The following EZR variants were observed in gnomAD, a reference collection of about 807,000 sequenced individuals.
EZR encodes cytovillin 2.
Under a neutral mutation model 74.8 loss-of-function variants are expected in EZR, and 40 were observed. That is an observed-to-expected ratio of 0.53 (90% CI 0.42 to 0.70). The LOEUF (loss-of-function observed/expected upper bound fraction) is 0.70, where lower values mean the gene tolerates loss of function less well. EZR is among the 30% of genes least tolerant of loss of function. EZR has a pLI of 0.00. For missense variants in EZR, 678 were observed against 755.8 expected, an observed-to-expected ratio of 0.90 and a Z score of 1.21; for synonymous variants, 341 against 283.3, an observed-to-expected ratio of 1.20 and a Z score of -2.05.
chr6:158,770,042 C>A (rs1457381108), intron 10 of EZR, 98 bp from the exon 11 acceptor site: 1 of 1,507,658 alleles, frequency 6.6e-7, no homozygotes, highest in African/African-American at 1.4e-5. Flanking sequence ...GAGCCCTAGA[C>A]CAAGTCACAG....
intron 2 of EZR, among the ~76,000 whole-genome samples, chr6:158,816,246 G>C (rs930793214): frequency 1.3e-5 from 2 of 152,180 alleles, no homozygotes; most frequent in African/African-American, 4.8e-5. Context: ...GATGGACCTT[G>C]GTGATGGCTA....
chr6:158,773,141 T>A (rs1250974979), intron 8 of EZR, among the ~76,000 whole-genome samples: 1 of 152,224 alleles, frequency 6.6e-6, no homozygotes, highest in Non-Finnish European at 1.5e-5. Flanking sequence ...AAATAGGCCC[T>A]GACTCAGAAA....
chr6:158,808,078 T>TA (rs1777380909), intron 2 of EZR, among the ~76,000 whole-genome samples: 1 of 152,218 alleles, frequency 6.6e-6, no homozygotes, highest in African/African-American at 2.4e-5. Flanking sequence ...GTTGAATGAA[T>TA]GAACTTTATG....
chr6:158,789,369 G>C lies in EZR; in HGVS notation c.15C>G (p.Ile5Met). The C allele has an allele frequency of 6.2e-7, 1 of 1,613,704 alleles. No individual in the cohort carries two copies. Among genetic ancestry groups the C allele is most frequent in the Non-Finnish European group, 8.5e-7 (1 of 1,179,616 alleles). ...CATCCATGGTGGTAACTCGGACATT[G>C]ATCTGAAAAACAGAATGAAACAAAT... MPKP[I>M]NVRVTTMDAE... The change falls in exon 3 of 14, where the codon ATC becomes ATG. Residue 5 changes from isoleucine to methionine, a missense_variant and splice_region_variant. By Grantham distance (10) the Ile-to-Met change is conservative. Coordinates refer to ENST00000367075, the MANE Select transcript of EZR (RefSeq NM_001111077.2).
chr6:158,768,750 C>T (rs563617688), intron 12 of EZR, among the ~76,000 whole-genome samples: 6 of 152,282 alleles, frequency 3.9e-5, no homozygotes, highest in South Asian at 2.1e-4. Flanking sequence ...CTCGCATCTG[C>T]AGAGCAACCT....
At chr6:158,802,228 A>G (rs1255569567) in intron 2 of EZR, among the ~76,000 whole-genome samples, 1 of 152,196 alleles carries the variant, frequency 6.6e-6, no homozygotes, top group Non-Finnish European at 1.5e-5. Flanking sequence ...TAAGGAGCCA[A>G]CTTAACTCTA....
chr6:158,797,222 T>A (rs1479945118), intron 2 of EZR, among the ~76,000 whole-genome samples: 1 of 152,104 alleles, frequency 6.6e-6, no homozygotes, highest in Non-Finnish European at 1.5e-5. Flanking sequence ...TCCACAAACA[T>A]TACAGGAGAG....
At chr6:158,789,436 A>G (rs375325025) in intron 2 of EZR, 65 bp from the exon 3 acceptor site, 1 of 1,406,140 alleles carries the variant, frequency 7.1e-7, no homozygotes, top group Non-Finnish European at 1.0e-6. Context: ...AACCTCCTGC[A>G]CCTTCTACAT....
chr6:158,793,170 T>G (rs1791787864), intron 2 of EZR, among the ~76,000 whole-genome samples: 1 of 119,734 alleles, frequency 8.4e-6, no homozygotes, highest in African/African-American at 3.3e-5. Flanking sequence ...AAAAAATCAT[T>G]CAGGCTGGAG....
intron 2 of EZR, among the ~76,000 whole-genome samples, chr6:158,814,033 T>C (rs1175210696): frequency 6.6e-6 from 1 of 152,152 alleles, no homozygotes; most frequent in Non-Finnish European, 1.5e-5. Flanking sequence ...GAGAGGATGC[T>C]TCCGGGACCA....
chr6:158,782,722 G>A (rs1165025984), intron 7 of EZR, among the ~76,000 whole-genome samples: 1 of 152,240 alleles, frequency 6.6e-6, no homozygotes, highest in Non-Finnish European at 1.5e-5. Context: ...ACGGTAGTCA[G>A]GAGGCAGTCA....
At chr6:158,805,234 G>C (rs1777308662) in intron 2 of EZR, among the ~76,000 whole-genome samples, 1 of 151,542 alleles carries the variant, frequency 6.6e-6, no homozygotes, top group Non-Finnish European at 1.5e-5. Context: ...AGCTACTCGT[G>C]GGGCTGAGGC....
At position 158,801,690 on chromosome 6, in the gene EZR, A is replaced by G. The variant is rs143262286; in HGVS notation, c.13-12319T>C. ...ATAAAATCATCCAGTGTTGGAACTC[A>G]CAAGAGTCCACTTGTCACAACCCTG... On this transcript the variant is annotated intron_variant, in intron 2 of 13. Coordinates refer to ENST00000367075, the MANE Select transcript of EZR (RefSeq NM_001111077.2). Among the ~76,000 whole-genome samples, 136 of 152,330 alleles carry G rather than the reference A, an allele frequency of 8.9e-4. 2 individuals are homozygous for G. The highest frequency in any genetic ancestry group is 1.7e-3 in the Non-Finnish European group (115 of 68,038).
intron 2 of EZR, among the ~76,000 whole-genome samples, chr6:158,805,764 A>G (rs1299116247): frequency 6.6e-6 from 1 of 152,244 alleles, no homozygotes; most frequent in Non-Finnish European, 1.5e-5. Flanking sequence ...AAATGGCATT[A>G]TAATTTGTAC....
chr6:158,801,462 G>C (rs937980285), intron 2 of EZR, among the ~76,000 whole-genome samples: 2 of 152,154 alleles, frequency 1.3e-5, no homozygotes, highest in African/African-American at 4.8e-5. Flanking sequence ...ATCTATCTAA[G>C]CTCCACAAAT....
chr6:158,818,607 C>G (rs554335827), intron 1 of EZR, among the ~76,000 whole-genome samples: 77 of 88,024 alleles, frequency 8.7e-4, no homozygotes, highest in Middle Eastern at 0.014. Flanking sequence ...GAGAGAGCGC[C>G]GGCCGGGCGG....
At position 158,789,346 on chromosome 6, in the gene EZR, T is replaced by C. The variant is rs1224891583; in HGVS notation, c.38A>G (p.Asp13Gly). ...KPINVRVTTM[D>G]AELEFAIQPN... is the part of the protein sequence containing the mutation. ...CTGGATTGCAAACTCCAGCTCTGCA[T>C]CCATGGTGGTAACTCGGACATTGAT... The change falls in exon 3 of 14, where the codon GAT becomes GGT. Residue 13 changes from aspartate to glycine, a missense_variant. Around this residue, in one of 3 missense-constraint regions of EZR, gnomAD observed 217 missense variants for 232.2 expected, o/e 0.93. Coordinates refer to ENST00000367075, the MANE Select transcript of EZR (RefSeq NM_001111077.2). 1.2e-6 allele frequency: 2 copies of C among 1,614,194 alleles called. No individual in the cohort carries two copies. The highest frequency in any genetic ancestry group is 4.5e-5 in the East Asian group (2 of 44,880).
rs896574263 is a variant in EZR, at chr6:158,766,269, T to C, written c.*645A>G. The C allele has an allele frequency of 2.8e-5, 4 of 144,278 alleles. No individual in the cohort carries two copies. Among genetic ancestry groups the C allele is most frequent in the African/African-American group, 1.0e-4 (4 of 38,304 alleles). 8.9% of individuals were successfully genotyped at this position (144,278 alleles called of 1,614,324 possible). A position where few individuals can be genotyped will look rare whatever the true frequency, so the allele number is the denominator to read the frequency against. On this transcript the variant is annotated 3_prime_UTR_variant, in exon 14 of 14. Coordinates refer to ENST00000367075, the MANE Select transcript of EZR (RefSeq NM_001111077.2). ...TATAGCTGATCATTAATAAGGTGTA[T>C]AAGTACAATGTATTCTAAAACTGTT... is the stretch of plus-strand genomic sequence containing the variant.
At position 158,766,881 on chromosome 6, in the gene EZR, A is replaced by C. The variant is rs987296583; in HGVS notation, c.*33T>G. On this transcript the variant is annotated 3_prime_UTR_variant, in exon 14 of 14. Transcript: ENST00000367075. The stretch of plus-strand genomic sequence containing the variant: ...GGCGGGGCTGGCAGCGCCCGCTATG[A>C]GCACCCCTCTGCCCTTGGTCCTGGC... The C allele has an allele frequency of 9.4e-6, 15 of 1,599,490 alleles. No individual in the cohort carries two copies. The highest frequency in any genetic ancestry group is 1.2e-5 in the Non-Finnish European group (14 of 1,169,628).
Sources: gnomAD v4.1 joint callset for allele counts (sites outside exome capture counted in the v4.1 genomes callset) on GRCh38, gnomAD v4.1.1 for gene constraint, gnomAD v4.1.1 regional missense constraint, MANE v1.5 for transcripts, NCBI Gene and HGNC (gene_info 2026-07-23, HGNC 2026-07-21) for gene names.